ADAM23: variants seen among roughly 807,000 people sequenced by gnomAD.
ADAM23 encodes the protein ADAM metallopeptidase domain 23, also known as disintegrin and metalloproteinase domain-containing protein 23.
In ADAM23, 33 loss-of-function variants were observed where a neutral mutation model predicts 120.1. The ratio of observed to expected loss-of-function variants is 0.27; its 90% CI spans 0.21 to 0.37. The LOEUF is 0.37. Ranked by LOEUF, ADAM23 falls within the 10% of genes least tolerant of loss-of-function variation. The pLI is 1.00. For missense variants in ADAM23, 862 were observed against 1,058.2 expected (o/e 0.81, Z 2.57); for synonymous variants, 367 against 375.2 (o/e 0.98, Z 0.25).
At chr2:206,562,751 G>T (rs964678470) in intron 13 of ADAM23, among the ~76,000 whole-genome samples, 3 of 152,204 alleles carry the variant, frequency 2.0e-5, no homozygotes, top group East Asian at 3.8e-4. Context: ...AAAAGTTGGA[G>T]AAAAAGGCTT....
rs576033373 is a variant in ADAM23 at position 206,618,671 on chromosome 2, G to T, written c.*1044G>T. On this transcript the variant is annotated 3_prime_UTR_variant, in exon 26 of 26. Transcript: ENST00000264377. ...TGCAGGGAGTTTGGGCACAAAACAC[G>T]TGCAGTTTAAAGTTGGTGTGCGTTA... is the stretch of plus-strand genomic sequence containing the variant. The T allele has an allele frequency of 6.6e-6, 1 of 152,248 alleles. No individual in the cohort carries two copies. Among genetic ancestry groups the T allele is most frequent in the South Asian group, 2.1e-4 (1 of 4,824 alleles). 9.4% of individuals were successfully genotyped at this position (152,248 alleles called of 1,614,324 possible).
chr2:206,551,081 C>T (rs1360329492), intron 9 of ADAM23, among the ~76,000 whole-genome samples: 1 of 152,138 alleles, frequency 6.6e-6, no homozygotes, highest in Non-Finnish European at 1.5e-5. Flanking sequence ...TAACCGTTTC[C>T]TTTATAAAAT....
At position 206,592,621 on chromosome 2, in the gene ADAM23, G is replaced by A; in HGVS notation, c.1963G>A (p.Val655Met). Residue 655 changes from valine to methionine, a missense_variant, in exon 22 of 26, where the codon GTG (valine) becomes ATG (methionine). Val to Met is a conservative substitution (Grantham distance 21). Around this residue, in one of 4 missense-constraint regions of ADAM23, gnomAD observed 617 missense variants for 813.5 expected, o/e 0.76. Coordinates refer to ENST00000264377, the MANE Select transcript of ADAM23 (RefSeq NM_003812.4). ...GTTTTCTTTACACATGTTCAGTGAT[G>A]TGTTCTGTGGATTCTTACTCTGTAC... ...DRWIQCSKHDVFCGFLLCTNL... is the reference protein window; with the variant it reads ...DRWIQCSKHDMFCGFLLCTNL... 1.2e-6 allele frequency: 2 copies of A among 1,612,990 alleles called. No individual in the cohort carries two copies. The highest frequency in any genetic ancestry group is 1.7e-5 in the Admixed American group (1 of 59,966).
intron 13 of ADAM23, among the ~76,000 whole-genome samples, chr2:206,563,787 T>C (rs1269727732): frequency 6.6e-6 from 1 of 151,084 alleles, no homozygotes; most frequent in Non-Finnish European, 1.5e-5. Context: ...TGGAGTGCAG[T>C]GGCACGATCT....
At chr2:206,500,358 T>C (rs1004873573) in intron 3 of ADAM23, among the ~76,000 whole-genome samples, 2 of 152,134 alleles carry the variant, frequency 1.3e-5, no homozygotes, top group African/African-American at 2.4e-5. Flanking sequence ...TCCTTAGATA[T>C]TACTCCACAT....
intron 2 of ADAM23, among the ~76,000 whole-genome samples, chr2:206,478,645 C>T (rs1000427538): frequency 1.2e-4 from 18 of 152,184 alleles, no homozygotes; most frequent in Non-Finnish European, 1.9e-4. Flanking sequence ...ATAAATGTCA[C>T]TGATCATGTC....
chr2:206,443,976 C>T lies in ADAM23; in HGVS notation c.110C>T (p.Ala37Val), dbSNP rs756280188. 1,264 of 1,369,442 alleles carry T rather than the reference C, an allele frequency of 9.2e-4. 3 individuals carry two copies. Among genetic ancestry groups the T allele is most frequent in the Non-Finnish European group, 1.1e-3 (1,210 of 1,057,608 alleles). The allele number at this position is 1,369,442 out of a possible 1,614,324, so 84.8% of individuals were successfully genotyped here. A position where few individuals can be genotyped will look rare whatever the true frequency, so the allele number is the denominator to read the frequency against. Residue 37 changes from alanine (A) to valine (V), a missense_variant, in exon 1 of 26, where the codon GCC (alanine) becomes GTC (valine). By Grantham distance (64) the Ala-to-Val change is moderately conservative. This residue lies in a region of ADAM23 where 225 missense variants were observed against 204.0 expected (regional missense o/e 1.10). Transcript: ENST00000264377. ...CCCGCCGGCTCGGTGCCTGCCAGCG[C>T]CCCGGCCCGCACGCCGCCCTGCCGC... ...RGPAGSVPAS[A>V]PARTPPCRLL...
At chr2:206,539,426 T>C (rs1179142053) in intron 4 of ADAM23, among the ~76,000 whole-genome samples, 18 of 152,314 alleles carry the variant, frequency 1.2e-4, no homozygotes, top group Non-Finnish European at 4.4e-5. Flanking sequence ...GGGCCAGCCC[T>C]CTTTAATTGT....
chr2:206,474,849 A>G (rs1318600424), intron 2 of ADAM23, among the ~76,000 whole-genome samples: 1 of 152,202 alleles, frequency 6.6e-6, no homozygotes, highest in Non-Finnish European at 1.5e-5. Flanking sequence ...TGTTGGGATT[A>G]CAGGCATGAG....
chr2:206,526,843 C>T (rs1225573974), intron 3 of ADAM23, among the ~76,000 whole-genome samples: 1 of 152,160 alleles, frequency 6.6e-6, no homozygotes, highest in Admixed American at 6.5e-5. Flanking sequence ...CTTACATGTT[C>T]TTCATATTTT....
chr2:206,457,109 G>A (rs568879733), intron 2 of ADAM23, among the ~76,000 whole-genome samples: 16 of 152,102 alleles, frequency 1.1e-4, no homozygotes, highest in Non-Finnish European at 1.8e-4. Flanking sequence ...TATGTTTTCA[G>A]GTAAGTAGAA....
intron 14 of ADAM23, 73 bp downstream of exon 14, chr2:206,565,141 C>G (rs1273228816): frequency 7.1e-7 from 1 of 1,401,926 alleles, no homozygotes; most frequent in Non-Finnish European, 1.0e-6. Flanking sequence ...GAAACAAGGT[C>G]TCTCGGGTAT....
At position 206,490,989 on chromosome 2, in the gene ADAM23, C is replaced by T. The variant is rs182889385; in HGVS notation, c.509+9681C>T. Among the ~76,000 whole-genome samples the T allele has an allele frequency of 2.0e-3, 310 of 152,230 alleles. 1 individual carries two copies. The highest frequency in any genetic ancestry group is 3.2e-3 in the Non-Finnish European group (217 of 68,020). ...TTAGGGTGTCTATGCAACCTACTTT[C>T]AAAATGGTTTGAGAATGACTTGCAC... On this transcript the variant is annotated intron_variant, in intron 3 of 25. Coordinates refer to ENST00000264377, the MANE Select transcript of ADAM23 (RefSeq NM_003812.4).
At chr2:206,468,971 T>C (rs1409783935) in intron 2 of ADAM23, among the ~76,000 whole-genome samples, 2 of 152,046 alleles carry the variant, frequency 1.3e-5, no homozygotes, top group African/African-American at 4.8e-5. Context: ...CCACACACTT[T>C]TAAACAACCA....
chr2:206,536,142 T>C (rs1180321830), intron 4 of ADAM23, among the ~76,000 whole-genome samples: 1 of 152,224 alleles, frequency 6.6e-6, no homozygotes, highest in East Asian at 1.9e-4. Context: ...CTGTATAGCA[T>C]AATGTCCTTT....
chr2:206,608,639 T>G (rs990859492), intron 24 of ADAM23, among the ~76,000 whole-genome samples: 4 of 152,020 alleles, frequency 2.6e-5, no homozygotes, highest in Admixed American at 6.6e-5. Flanking sequence ...GTGGTTAGTC[T>G]TAAGAGCATG....
intron 4 of ADAM23, 110 bp downstream of exon 4, chr2:206,531,058 C>G (rs2105798432): frequency 1.4e-6 from 1 of 737,482 alleles, no homozygotes; most frequent in South Asian, 2.4e-5. Flanking sequence ...CACCTGTGCT[C>G]TTTTACAATG....
intron 3 of ADAM23, among the ~76,000 whole-genome samples, chr2:206,528,506 A>G (rs1696985323): frequency 6.6e-6 from 1 of 152,214 alleles, no homozygotes; most frequent in African/African-American, 2.4e-5. Context: ...CTGTGTTGGA[A>G]AGGTTGTCCT....
chr2:206,455,414 A>G (rs534732020), intron 2 of ADAM23, among the ~76,000 whole-genome samples: 1 of 152,240 alleles, frequency 6.6e-6, no homozygotes, highest in South Asian at 2.1e-4. Context: ...CTCTGGACCT[A>G]TGATGGGAGG....
Sources: gnomAD v4.1 joint callset for allele counts (sites outside exome capture counted in the v4.1 genomes callset) on GRCh38, gnomAD v4.1.1 for gene constraint, gnomAD v4.1.1 regional missense constraint, MANE v1.5 for transcripts, NCBI Gene and HGNC (gene_info 2026-07-23, HGNC 2026-07-21) for gene names.